Variants in IMPACT observed in about 807,000 individuals in gnomAD.
IMPACT encodes the protein impact RWD domain protein.
IMPACT carries 35 observed loss-of-function variants against 47.5 expected under a neutral mutation model. That is an observed-to-expected ratio of 0.74 (90% CI 0.56 to 0.98). IMPACT has a LOEUF of 0.98. Ranked by LOEUF, IMPACT falls within the 50% of genes least tolerant of loss-of-function variation. The pLI, the probability that IMPACT is intolerant of heterozygous loss-of-function variation, is 0.00. For missense variants in IMPACT, 373 were observed against 394.8 expected, an observed-to-expected ratio of 0.94 and a Z score of 0.47; for synonymous variants, 118 against 125.6, an observed-to-expected ratio of 0.94 and a Z score of 0.40.
intron 6 of IMPACT, among the ~76,000 whole-genome samples, chr18:24,441,333 C>T (rs2144343025): frequency 6.6e-6 from 1 of 152,306 alleles, no homozygotes; most frequent in Non-Finnish European, 1.5e-5. Context: ...TCTGGGATTA[C>T]TGGCACATGC....
In IMPACT at chr18:24,451,019, A is replaced by G; in HGVS notation, c.*172A>G. Reference sequence around the variant, plus strand: ...TTATATCATCTGCCAAAAATAGAGAACTTATGATCTATTCATGTGTGTTTC... The same window carrying G: ...TTATATCATCTGCCAAAAATAGAGAGCTTATGATCTATTCATGTGTGTTTC... On this transcript the variant is annotated 3_prime_UTR_variant, in exon 11 of 11. Coordinates refer to ENST00000284202, the MANE Select transcript of IMPACT (RefSeq NM_018439.4). 1 of 497,558 alleles carries G rather than the reference A, an allele frequency of 2.0e-6. No homozygotes were observed. Among genetic ancestry groups the G allele is most frequent in the Non-Finnish European group, 3.6e-6 (1 of 274,360 alleles). 30.8% of individuals were successfully genotyped at this position (497,558 alleles called of 1,614,324 possible).
At chr18:24,445,366 CTTAT>C (rs753019029) in intron 7 of IMPACT, 23 bp from the exon 8 acceptor site, 3 of 1,293,804 alleles carry the variant, frequency 2.3e-6, no homozygotes, top group Non-Finnish European at 3.3e-6. Context: ...AAAAAGCATA[CTTAT>C]TTATATTATT....
chr18:24,442,334 G>A (rs1436905529), intron 6 of IMPACT, among the ~76,000 whole-genome samples: 1 of 151,938 alleles, frequency 6.6e-6, no homozygotes, highest in East Asian at 1.9e-4. Context: ...TTGTATTTTA[G>A]TAGAGACGGG....
At chr18:24,436,700 C>T (rs1908954361) in intron 4 of IMPACT, among the ~76,000 whole-genome samples, 1 of 152,058 alleles carries the variant, frequency 6.6e-6, no homozygotes, top group African/African-American at 2.4e-5. Flanking sequence ...AGGCACGCAC[C>T]ACCACATCTG....
chr18:24,438,205 G>A (rs1444899712), intron 5 of IMPACT, among the ~76,000 whole-genome samples, 165 bp downstream of exon 5: 1 of 151,188 alleles, frequency 6.6e-6, no homozygotes, highest in Non-Finnish European at 1.5e-5. Flanking sequence ...TGTAATTATA[G>A]TTATTTATTT....
At position 24,450,784 on chromosome 18, in the gene IMPACT, G is replaced by T; in HGVS notation, c.900G>T (p.Glu300Asp). The change falls in exon 11 of 11, where the codon GAG becomes GAT. Residue 300 changes from glutamate (E) to aspartate (D), a missense_variant. Transcript: ENST00000284202. ...VEKNYTNSPE[E>D]SSKALGKNKK... The stretch of plus-strand genomic sequence containing the variant: ...CTGATTTGTGTCTTTTTCAGGAGGA[G>T]TCATCTAAGGCTTTGGGAAAGAACA... 6.2e-7 allele frequency: 1 copy of T among 1,607,582 alleles called. No individual in the cohort carries two copies. The highest frequency in any genetic ancestry group is 8.5e-7 in the Non-Finnish European group (1 of 1,174,970).
At chr18:24,443,494 T>G (rs1909169556) in intron 7 of IMPACT, among the ~76,000 whole-genome samples, 1 of 152,174 alleles carries the variant, frequency 6.6e-6, no homozygotes, top group Admixed American at 6.5e-5. Context: ...GCTTTCAAAA[T>G]TGTATCTAAA....
At chr18:24,443,225 C>T in intron 7 of IMPACT, 73 bp downstream of exon 7, 1 of 646,192 alleles carries the variant, frequency 1.5e-6, no homozygotes, top group South Asian at 2.2e-5. Context: ...CAATAATCCC[C>T]TTGTTTTTAC....
chr18:24,433,410 A>G (rs1908815698), intron 4 of IMPACT, among the ~76,000 whole-genome samples: 1 of 147,560 alleles, frequency 6.8e-6, no homozygotes, highest in Non-Finnish European at 1.5e-5. Context: ...CTTGTTAGCC[A>G]GGATGGTCTC....
intron 6 of IMPACT, among the ~76,000 whole-genome samples, chr18:24,441,318 A>G (rs543964924): frequency 6.6e-6 from 1 of 152,230 alleles, no homozygotes; most frequent in African/African-American, 2.4e-5. Context: ...TCAGCCTCCT[A>G]CGTATCTGGG....
At chr18:24,449,269 G>A (rs570404519) in intron 9 of IMPACT, among the ~76,000 whole-genome samples, 5 of 152,290 alleles carry the variant, frequency 3.3e-5, no homozygotes, top group Non-Finnish European at 7.4e-5. Flanking sequence ...GGGAGGCTGG[G>A]GTGGGAGGAT....
chr18:24,428,732 A>G, intron 2 of IMPACT, 137 bp from the exon 3 acceptor site: 1 of 594,512 alleles, frequency 1.7e-6, no homozygotes, highest in Non-Finnish European at 3.0e-6. Context: ...GTCAGGGTAT[A>G]ATGTCCATAT....
At chr18:24,448,067 T>C in intron 8 of IMPACT, 26 bp from the exon 9 acceptor site, 1 of 1,356,952 alleles carries the variant, frequency 7.4e-7, no homozygotes. Flanking sequence ...AGTTTCAAAG[T>C]GTAATACTCT....
chr18:24,440,606 G>C lies in IMPACT; in HGVS notation c.478G>C (p.Glu160Gln). The C allele has an allele frequency of 6.2e-7, 1 of 1,612,998 alleles. No individual in the cohort carries two copies. The highest frequency in any genetic ancestry group is 8.5e-7 in the Non-Finnish European group (1 of 1,179,448). ...TAAAGCATTGGATTTTGATATCAGTGAAACTCGGACAGGTATAATGTTACT... is the reference window on the plus strand; with the variant it reads ...TAAAGCATTGGATTTTGATATCAGTCAAACTCGGACAGGTATAATGTTACT... ...SLKALDFDIS[E>Q]TRTEVEVEEL... Residue 160 changes from glutamate to glutamine, a missense_variant, in exon 6 of 11, where the codon GAA becomes CAA. Transcript: ENST00000284202.
chr18:24,428,800 G>A, intron 2 of IMPACT, 69 bp from the exon 3 acceptor site: 1 of 1,260,996 alleles, frequency 7.9e-7, no homozygotes, highest in Non-Finnish European at 1.1e-6. Context: ...CCAGTTGCTA[G>A]CTTTATAAAT....
chr18:24,447,397 T>C (rs1909274349), intron 8 of IMPACT, among the ~76,000 whole-genome samples: 1 of 152,142 alleles, frequency 6.6e-6, no homozygotes, highest in Non-Finnish European at 1.5e-5. Context: ...ATTTTTTTTT[T>C]CTCTCTCTAG....
chr18:24,428,007 G>A lies in IMPACT; in HGVS notation c.125G>A (p.Ser42Asn). Residue 42 changes from serine to asparagine, a missense_variant, in exon 2 of 11, where the codon AGC (serine) becomes AAC (asparagine). Transcript: ENST00000284202. ...DCAKIFCIRI[S>N]DDIDDPKWTL... Reference sequence around the variant, plus strand: ...GCCAAAATATTTTGTATTAGAATTAGCGACGATATAGATGACCCCAAATGG... The same window carrying A: ...GCCAAAATATTTTGTATTAGAATTAACGACGATATAGATGACCCCAAATGG... 6.3e-7 allele frequency: 1 copy of A among 1,599,134 alleles called. No individual in the cohort carries two copies. The highest frequency in any genetic ancestry group is 1.3e-5 in the African/African-American group (1 of 74,074).
chr18:24,440,430 AT>A (rs201120476), intron 5 of IMPACT, 65 bp from the exon 6 acceptor site: 221 of 1,531,374 alleles, frequency 1.4e-4, no homozygotes, highest in Admixed American at 2.1e-4. Flanking sequence ...AGACCCAGTG[AT>A]TTTTTTTTAA....
chr18:24,434,797 G>A (rs28588063), intron 4 of IMPACT, among the ~76,000 whole-genome samples: 64,438 of 94,936 alleles, frequency 0.68, 21,172 homozygotes, highest in Middle Eastern at 0.77. Flanking sequence ...ATATATATAT[G>A]TGTGTGTGTG....
Sources: allele counts gnomAD v4.1 joint callset (sites outside exome capture counted in the v4.1 genomes callset), GRCh38; gene constraint gnomAD v4.1.1; transcripts MANE v1.5; gene names NCBI Gene and HGNC (gene_info 2026-07-23, HGNC 2026-07-21).